Variants in BST1 observed in about 807,000 individuals in gnomAD.
The protein encoded by BST1 is bone marrow stromal cell antigen 1.
Under a neutral mutation model 40.6 loss-of-function variants are expected in BST1, and 49 were observed. That is an observed-to-expected ratio of 1.21 (90% CI 0.96 to 1.53). BST1 has a LOEUF of 1.53. BST1 is among the 40% of genes most tolerant of loss of function. BST1 has a pLI of 0.00. For synonymous variants in BST1, 157 were observed against 159.3 expected, an observed-to-expected ratio of 0.99 and a Z score of 0.11; for missense variants, 423 against 395.9, an observed-to-expected ratio of 1.07 and a Z score of -0.58.
chr4:15,759,396 T>A, the BST1 span, among the ~76,000 whole-genome samples: 1 of 151,962 alleles, frequency 6.6e-6, no homozygotes, highest in Non-Finnish European at 1.5e-5. Context: ...CTCATGGGGT[T>A]ATTATGCAGA....
At chr4:15,758,465 G>A in the BST1 span, among the ~76,000 whole-genome samples, 9 of 152,094 alleles carry the variant, frequency 5.9e-5, no homozygotes, top group African/African-American at 2.2e-4. Flanking sequence ...TACATCTTTT[G>A]CGGCTGTATC....
At chr4:15,742,680 C>T (rs898351808), downstream of BST1, among the ~76,000 whole-genome samples, 2 of 152,144 alleles carry the variant, frequency 1.3e-5, no homozygotes, top group African/African-American at 2.4e-5. Context: ...TAATAAACTA[C>T]CTGAAGGTAC....
At chr4:15,761,607 G>A in the BST1 span, among the ~76,000 whole-genome samples, 4 of 151,984 alleles carry the variant, frequency 2.6e-5, no homozygotes, top group Non-Finnish European at 4.4e-5. Context: ...TGTAATTTTA[G>A]TCAATTCACC....
Position 15,732,071 on chromosome 4 carries a change from G to C in BST1, c.*226G>C. The stretch of plus-strand genomic sequence containing the variant: ...AAATGCTGCATTAGAATTAAAGCAA[G>C]TTATTTTCTTATTTGTATAATGACA... On this transcript the variant is annotated 3_prime_UTR_variant, in exon 9 of 9. Coordinates refer to ENST00000265016, the MANE Select transcript of BST1 (RefSeq NM_004334.3). The C allele has an allele frequency of 8.1e-7, 1 of 1,236,356 alleles. No individual in the cohort carries two copies. Among genetic ancestry groups the C allele is most frequent in the South Asian group, 2.7e-5 (1 of 36,632 alleles). 76.6% of individuals were successfully genotyped at this position (1,236,356 alleles called of 1,614,324 possible). A position where few individuals can be genotyped will look rare whatever the true frequency, so the allele number is the denominator to read the frequency against.
chr4:15,719,008 T>C lies in BST1; in HGVS notation c.791+15T>C. 1.2e-6 allele frequency: 2 copies of C among 1,608,678 alleles called. No individual in the cohort carries two copies. ...AATGATTACCGGTAGGTGGCCTATATATCAATGTGCTCTTGTAGAGGTGGT... is the reference window on the plus strand; with the variant it reads ...AATGATTACCGGTAGGTGGCCTATACATCAATGTGCTCTTGTAGAGGTGGT... On this transcript the variant is annotated intron_variant, in intron 7 of 8. Coordinates refer to ENST00000265016, the MANE Select transcript of BST1 (RefSeq NM_004334.3).
At chr4:15,751,752 T>G in the BST1 span, among the ~76,000 whole-genome samples, 1 of 151,992 alleles carries the variant, frequency 6.6e-6, no homozygotes, top group Non-Finnish European at 1.5e-5. Context: ...TGTATATATC[T>G]ATGTATATAC....
chr4:15,752,178 A>T, the BST1 span, among the ~76,000 whole-genome samples: 1 of 152,202 alleles, frequency 6.6e-6, no homozygotes, highest in Non-Finnish European at 1.5e-5. Context: ...GCAATTGTGC[A>T]TATGTTCTTG....
chr4:15,732,989 C>T (rs145861224), downstream of BST1, among the ~76,000 whole-genome samples: 684 of 152,262 alleles, frequency 4.5e-3, 4 homozygotes, highest in African/African-American at 0.015. Context: ...AATGAAGCTG[C>T]GGACCTTCGC....
intron 3 of BST1, among the ~76,000 whole-genome samples, chr4:15,708,686 C>T (rs1254790784): frequency 6.6e-6 from 1 of 152,108 alleles, no homozygotes; most frequent in Non-Finnish European, 1.5e-5. Context: ...CGAGATTAGC[C>T]TGGCCAACAT....
intron 3 of BST1, among the ~76,000 whole-genome samples, chr4:15,707,855 C>CTCTCTCTATA (rs544633858): frequency 0.014 from 1,819 of 128,148 alleles, 14 homozygotes; most frequent in Non-Finnish European, 0.022. Flanking sequence ...CTCTCTCTCT[C>CTCTCTCTATA]TATATATATA....
At chr4:15,740,633 C>A (rs1307538658), downstream of BST1, among the ~76,000 whole-genome samples, 1 of 152,062 alleles carries the variant, frequency 6.6e-6, no homozygotes, top group African/African-American at 2.4e-5. Context: ...GCATTTGCAC[C>A]TTATTTAACA....
intron 8 of BST1, 29 bp from the exon 9 acceptor site, chr4:15,731,711 A>G: frequency 6.3e-7 from 1 of 1,597,234 alleles, no homozygotes; most frequent in Non-Finnish European, 8.5e-7. Context: ...CAATACTGAC[A>G]CTTTCTCTAT....
At chr4:15,708,171 T>A (rs1720000072) in intron 3 of BST1, among the ~76,000 whole-genome samples, 1 of 152,112 alleles carries the variant, frequency 6.6e-6, no homozygotes, top group Non-Finnish European at 1.5e-5. Context: ...CTGGAAGTGG[T>A]AAGGCTGGGT....
the BST1 span, among the ~76,000 whole-genome samples, chr4:15,757,418 A>G: frequency 6.6e-6 from 1 of 152,104 alleles, no homozygotes; most frequent in Non-Finnish European, 1.5e-5. Context: ...AAGGTCAAAT[A>G]CCAGCTCCAC....
At chr4:15,751,763 A>C in the BST1 span, among the ~76,000 whole-genome samples, 1 of 152,060 alleles carries the variant, frequency 6.6e-6, no homozygotes, top group Non-Finnish European at 1.5e-5. Context: ...ATGTATATAC[A>C]TCTATGTATA....
At chr4:15,751,776 T>G in the BST1 span, among the ~76,000 whole-genome samples, 2 of 152,080 alleles carry the variant, frequency 1.3e-5, no homozygotes, top group African/African-American at 4.8e-5. Flanking sequence ...TATGTATAGA[T>G]GTACTGTGTA....
chr4:15,767,109 C>T, the BST1 span, among the ~76,000 whole-genome samples: 1 of 150,426 alleles, frequency 6.6e-6, no homozygotes, highest in African/African-American at 2.5e-5. Flanking sequence ...AAAAAGACCC[C>T]TGCAAAGAAG....
At chr4:15,746,071 C>A in the BST1 span, among the ~76,000 whole-genome samples, 6 of 152,256 alleles carry the variant, frequency 3.9e-5, no homozygotes, top group South Asian at 6.2e-4. Context: ...TATTCTTCTT[C>A]CCAAAGGAGA....
chr4:15,704,444 T>C (rs1191965866), intron 1 of BST1, among the ~76,000 whole-genome samples: 2 of 145,980 alleles, frequency 1.4e-5, no homozygotes, highest in African/African-American at 5.1e-5. Flanking sequence ...GTGTGTGTTC[T>C]AGAGGTGAGA....
Sources: allele counts gnomAD v4.1 joint callset (sites outside exome capture counted in the v4.1 genomes callset), GRCh38; gene constraint gnomAD v4.1.1; transcripts MANE v1.5; gene names NCBI Gene and HGNC (gene_info 2026-07-23, HGNC 2026-07-21).